The following SBSPON variants were observed in gnomAD, a reference collection of about 807,000 sequenced individuals.
SBSPON encodes the protein somatomedin B and thrombospondin type 1 domain containing, also known as somatomedin-B and thrombospondin type-1 domain-containing protein.
A neutral mutation model predicts 35.8 loss-of-function variants in SBSPON; 30 were observed. That is an observed-to-expected ratio of 0.84 (90% CI 0.63 to 1.14). The LOEUF (loss-of-function observed/expected upper bound fraction) is 1.14. SBSPON is among the 50% of genes most tolerant of loss of function. The pLI is 0.00. For synonymous variants in SBSPON, 136 were observed against 135.9 expected (o/e 1.00, Z 0.00); for missense variants, 364 against 357.7 (o/e 1.02, Z -0.14).
chr8:73,093,133 G>T lies in SBSPON; in HGVS notation c.-66C>A. ...GGGGCAAGCGCTCTGATCCTCGGCTGGCCGCGGCCCGGGAGCTGCCCGAGC... is the reference window on the plus strand; with the variant it reads ...GGGGCAAGCGCTCTGATCCTCGGCTTGCCGCGGCCCGGGAGCTGCCCGAGC... On this transcript the variant is annotated 5_prime_UTR_variant, in exon 1 of 5. Transcript: ENST00000297354. 1 of 915,264 alleles carries T rather than the reference G, an allele frequency of 1.1e-6. No individual in the cohort carries two copies. The highest frequency in any genetic ancestry group is 1.4e-6 in the Non-Finnish European group (1 of 707,048). 56.7% of individuals were successfully genotyped at this position (915,264 alleles called of 1,614,324 possible). A position where few individuals can be genotyped will look rare whatever the true frequency, so the allele number is the denominator to read the frequency against.
Position 73,079,832 on chromosome 8 carries a change from A to C in SBSPON, c.409+1187T>G, listed in dbSNP as rs138015395. On this transcript the variant is annotated intron_variant, in intron 2 of 4. Transcript: ENST00000297354. ...CTACCTGACAGCAGGCTCCACATCA[A>C]CTTTTCTCCACATCAACCATCGTGA... 4.2e-3 allele frequency among the ~76,000 whole-genome samples: 636 copies of C among 152,182 alleles called. 5 individuals carry two copies. The highest frequency in any genetic ancestry group is 0.015 in the African/African-American group (607 of 41,510).
Position 73,065,542 on chromosome 8 carries a change from G to A in SBSPON, c.*1799C>T, listed in dbSNP as rs1281331946. ...CATAATCCCAGCACCTTGGGAGGCC[G>A]AGGTGGGTGGATCACGAGGTCAGGA... On this transcript the variant is annotated 3_prime_UTR_variant, in exon 5 of 5. Transcript: ENST00000297354. 1 of 152,058 alleles carries A rather than the reference G, an allele frequency of 6.6e-6. No individual in the cohort carries two copies. The highest frequency in any genetic ancestry group is 2.4e-5 in the African/African-American group (1 of 41,380). 9.4% of individuals were successfully genotyped at this position (152,058 alleles called of 1,614,324 possible).
chr8:73,073,748 G>A (rs1300705267), intron 2 of SBSPON, among the ~76,000 whole-genome samples: 1 of 143,576 alleles, frequency 7.0e-6, no homozygotes, highest in Non-Finnish European at 1.5e-5. Flanking sequence ...GGGCTGCAGT[G>A]AGCCGAGATC....
In SBSPON at chr8:73,065,639, G is replaced by A. The variant is rs190146288; in HGVS notation, c.*1702C>T. On this transcript the variant is annotated 3_prime_UTR_variant, in exon 5 of 5. Coordinates refer to ENST00000297354, the MANE Select transcript of SBSPON (RefSeq NM_153225.4). ...AAAAAAAAAACAAAAAATTAGCCAGGCGTGATGACGGCGCCTGTAGTCCCA... is the reference window on the plus strand; with the variant it reads ...AAAAAAAAAACAAAAAATTAGCCAGACGTGATGACGGCGCCTGTAGTCCCA... 16 of 152,048 alleles carry A rather than the reference G, an allele frequency of 1.1e-4. No homozygotes were observed. The highest frequency in any genetic ancestry group is 9.8e-4 in the Admixed American group (15 of 15,272). The allele number at this position is 152,048 out of a possible 1,614,324, so 9.4% of individuals were successfully genotyped here.
At chr8:73,079,336 C>T (rs1810651803) in intron 2 of SBSPON, among the ~76,000 whole-genome samples, 2 of 152,178 alleles carry the variant, frequency 1.3e-5, no homozygotes, top group South Asian at 2.1e-4. Context: ...TTGCTGTGCC[C>T]TCCTCCCCAG....
chr8:73,075,668 T>C (rs1810580935), intron 2 of SBSPON: 1 of 274,942 alleles, frequency 3.6e-6, no homozygotes, highest in Non-Finnish European at 5.5e-6. Context: ...TGAAAGTAAA[T>C]TAAATTTGCT....
intron 1 of SBSPON, 51 bp downstream of exon 1, chr8:73,092,803 C>G: frequency 6.9e-7 from 1 of 1,452,220 alleles, no homozygotes; most frequent in Non-Finnish European, 9.6e-7. Context: ...GCCCTGTGCC[C>G]GTTGGTTGCA....
intron 1 of SBSPON, among the ~76,000 whole-genome samples, chr8:73,082,594 G>A (rs1177653302): frequency 6.6e-6 from 1 of 152,178 alleles, no homozygotes; most frequent in Non-Finnish European, 1.5e-5. Flanking sequence ...GGTATCACAT[G>A]TCAACTACCT....
Position 73,092,977 on chromosome 8 carries a change from C to T in SBSPON, c.91G>A (p.Gly31Ser), listed in dbSNP as rs564671786. 1.9e-6 allele frequency: 3 copies of T among 1,584,166 alleles called. No individual in the cohort carries two copies. The African/African-American group carries it at 4.1e-5, about 22-fold the overall frequency. Reference protein sequence around the residue: ...GCAEAGRCCPGRDPACFARGW... With the variant: ...GCAEAGRCCPSRDPACFARGW... ...CGGGCGAAGCAGGCGGGGTCCCGGC[C>T]GGGACAGCAGCGCCCGGCCTCGGCG... Residue 31 changes from glycine (G) to serine (S), a missense_variant, in exon 1 of 5, where the codon GGC becomes AGC. Gly to Ser is a moderately conservative substitution (Grantham distance 56). Coordinates refer to ENST00000297354, the MANE Select transcript of SBSPON (RefSeq NM_153225.4).
At chr8:73,089,227 T>C (rs1284353081) in intron 1 of SBSPON, among the ~76,000 whole-genome samples, 1 of 152,200 alleles carries the variant, frequency 6.6e-6, no homozygotes, top group Non-Finnish European at 1.5e-5. Flanking sequence ...GATTGTCATA[T>C]GGGTTTGTGG....
At position 73,093,140 on chromosome 8, in the gene SBSPON, G is replaced by T; in HGVS notation, c.-73C>A. 1.2e-6 allele frequency: 1 copy of T among 824,126 alleles called. No individual in the cohort carries two copies. The allele number at this position is 824,126 out of a possible 1,614,324, so 51.1% of individuals were successfully genotyped here. A position where few individuals can be genotyped will look rare whatever the true frequency, so the allele number is the denominator to read the frequency against. On this transcript the variant is annotated 5_prime_UTR_variant, in exon 1 of 5. Coordinates refer to ENST00000297354, the MANE Select transcript of SBSPON (RefSeq NM_153225.4). Reference sequence around the variant, plus strand: ...GCGCTCTGATCCTCGGCTGGCCGCGGCCCGGGAGCTGCCCGAGCGGCCGGC... The same window carrying T: ...GCGCTCTGATCCTCGGCTGGCCGCGTCCCGGGAGCTGCCCGAGCGGCCGGC...
chr8:73,093,126 C>G lies in SBSPON; in HGVS notation c.-59G>C, dbSNP rs535914805. The G allele has an allele frequency of 1.0e-6, 1 of 977,946 alleles. No individual in the cohort carries two copies. Among genetic ancestry groups the G allele is most frequent in the South Asian group, 4.3e-5 (1 of 23,438 alleles). 60.6% of individuals were successfully genotyped at this position (977,946 alleles called of 1,614,324 possible). A position where few individuals can be genotyped will look rare whatever the true frequency, so the allele number is the denominator to read the frequency against. ...GACCCCCGGGGCAAGCGCTCTGATC[C>G]TCGGCTGGCCGCGGCCCGGGAGCTG... On this transcript the variant is annotated 5_prime_UTR_variant, in exon 1 of 5. Coordinates refer to ENST00000297354, the MANE Select transcript of SBSPON (RefSeq NM_153225.4).
chr8:73,075,445 C>T (rs1287001355), intron 2 of SBSPON, among the ~76,000 whole-genome samples: 2 of 152,246 alleles, frequency 1.3e-5, no homozygotes, highest in African/African-American at 4.8e-5. Context: ...CACACTTCTG[C>T]TAATGTGCGG....
At chr8:73,091,801 G>A (rs565216903) in intron 1 of SBSPON, among the ~76,000 whole-genome samples, 2 of 152,256 alleles carry the variant, frequency 1.3e-5, no homozygotes, top group South Asian at 2.1e-4. Context: ...TTTCAGCATC[G>A]GGCCTGGCCA....
intron 1 of SBSPON, among the ~76,000 whole-genome samples, chr8:73,083,626 C>T (rs1810760463): frequency 6.6e-6 from 1 of 152,204 alleles, no homozygotes; most frequent in South Asian, 2.1e-4. Context: ...GTATTCATGT[C>T]CCCTTTCCCA....
intron 1 of SBSPON, among the ~76,000 whole-genome samples, chr8:73,087,335 G>A (rs747521576): frequency 4.6e-5 from 7 of 152,178 alleles, no homozygotes; most frequent in Non-Finnish European, 7.3e-5. Context: ...AGACCAAAAT[G>A]AGGACTAACA....
chr8:73,080,967 G>T, intron 2 of SBSPON, 52 bp downstream of exon 2: 61 of 1,472,982 alleles, frequency 4.1e-5, no homozygotes, highest in Non-Finnish European at 5.5e-5. Flanking sequence ...GGATGAAGTG[G>T]TCAAAAAGTC....
chr8:73,071,696 AC>A, intron 3 of SBSPON, 83 bp downstream of exon 3: 2 of 778,788 alleles, frequency 2.6e-6, no homozygotes. Flanking sequence ...GAAGAAGAAA[AC>A]ATAAACCAAG....
chr8:73,084,971 G>T (rs1810796444), intron 1 of SBSPON, among the ~76,000 whole-genome samples: 2 of 152,262 alleles, frequency 1.3e-5, no homozygotes, highest in South Asian at 2.1e-4. Flanking sequence ...TTGAATGAAT[G>T]AATGAAATGG....
Sources: gnomAD v4.1 joint callset for allele counts (sites outside exome capture counted in the v4.1 genomes callset) on GRCh38, gnomAD v4.1.1 for gene constraint, MANE v1.5 for transcripts, NCBI Gene and HGNC (gene_info 2026-07-23, HGNC 2026-07-21) for gene names.